The following WFDC8 variants were observed in gnomAD, a reference collection of about 807,000 sequenced individuals.
The protein encoded by WFDC8 is WAP four-disulfide core domain 8.
Under a neutral mutation model 27.0 loss-of-function variants are expected in WFDC8, and 24 were observed. The ratio of observed to expected loss-of-function variants is 0.89; its 90% CI spans 0.64 to 1.25. WFDC8 has a LOEUF of 1.25. Among genes scored for constraint, WFDC8 ranks in the 50% most tolerant of loss-of-function variants. The probability of loss-of-function intolerance (pLI) is 0.00; values close to 1 mark genes in which losing one functional copy is unlikely to be tolerated. For missense variants in WFDC8, 287 were observed against 295.9 expected, an observed-to-expected ratio of 0.97 and a Z score of 0.22; for synonymous variants, 106 against 99.7, an observed-to-expected ratio of 1.06 and a Z score of -0.38.
intron 1 of WFDC8, among the ~76,000 whole-genome samples, chr20:45,572,840 C>T (rs1980916582): frequency 6.6e-6 from 1 of 152,212 alleles, no homozygotes; most frequent in Non-Finnish European, 1.5e-5. Context: ...CTCCTGGCCT[C>T]AAGTGATCTT....
chr20:45,573,058 C>T (rs1320160137), intron 1 of WFDC8, among the ~76,000 whole-genome samples: 2 of 152,224 alleles, frequency 1.3e-5, no homozygotes, highest in African/African-American at 4.8e-5. Context: ...TTCTCTCACT[C>T]TATGAGTTGT....
At position 45,562,614 on chromosome 20, in the gene WFDC8, GAC is replaced by G. The variant is rs151106219; in HGVS notation, c.27-397_27-396del. ...AGCATCTTTTCTTTGCTCCACTGAT[GAC>G]AGAAATGGATGGTATGAGATTTCCC... On this transcript the variant is annotated intron_variant, in intron 1 of 5. Transcript: ENST00000289953. Among the ~76,000 whole-genome samples the G allele has an allele frequency of 1.6e-4, 24 of 152,316 alleles. No homozygotes were observed. In the East Asian group the frequency reaches 4.2e-3, roughly 27 times the overall value.
chr20:45,560,319 T>C (rs1980420846), intron 2 of WFDC8, among the ~76,000 whole-genome samples: 1 of 152,172 alleles, frequency 6.6e-6, no homozygotes, highest in Admixed American at 6.6e-5. Context: ...CCAGGGAGCT[T>C]GGGAGAGGAC....
In WFDC8 at chr20:45,553,241, C is replaced by T. The variant is rs1980108588; in HGVS notation, c.481G>A (p.Glu161Lys). The change falls in exon 5 of 6, where the codon GAA becomes AAA. Residue 161 changes from glutamate (E) to lysine (K), a missense_variant. By Grantham distance (56) the Glu-to-Lys change is moderately conservative. Coordinates refer to ENST00000289953, the MANE Select transcript of WFDC8 (RefSeq NM_130896.3). ...DGQCPLFPFTERKECPPSCHS... is the reference protein window; with the variant it reads ...DGQCPLFPFTKRKECPPSCHS... ...CATGAAGGTGGACACTCCTTACGTTCAGTGAAAGGGAAGAGTGGGCATTGT... is the reference window on the plus strand; with the variant it reads ...CATGAAGGTGGACACTCCTTACGTTTAGTGAAAGGGAAGAGTGGGCATTGT... 6.2e-7 allele frequency: 1 copy of T among 1,613,670 alleles called. No homozygotes were observed. Among genetic ancestry groups the T allele is most frequent in the African/African-American group, 1.3e-5 (1 of 74,918 alleles).
intron 3 of WFDC8, among the ~76,000 whole-genome samples, chr20:45,558,214 C>T (rs1464658005): frequency 6.6e-6 from 1 of 152,176 alleles, no homozygotes. Context: ...GACCCTCCCC[C>T]GAATTACCCA....
At chr20:45,559,171 A>G (rs1980378375) in intron 2 of WFDC8, among the ~76,000 whole-genome samples, 179 bp from the exon 3 acceptor site, 1 of 152,144 alleles carries the variant, frequency 6.6e-6, no homozygotes, top group East Asian at 1.9e-4. Context: ...ATTCAAATGG[A>G]TCTGAATCAG....
At position 45,558,847 on chromosome 20, in the gene WFDC8, G is replaced by A. The variant is rs370195113; in HGVS notation, c.277+5C>T. 52 of 1,613,920 alleles carry A rather than the reference G, an allele frequency of 3.2e-5. No homozygotes were observed. The highest frequency in any genetic ancestry group is 1.3e-4 in the African/African-American group (10 of 74,920). On this transcript the variant is annotated splice_donor_5th_base_variant and intron_variant, in intron 3 of 5. Coordinates refer to ENST00000289953, the MANE Select transcript of WFDC8 (RefSeq NM_130896.3). ...AACCTCTGTCCTCAGCCTGGACATC[G>A]CTACCTTGAAAGGGATCCATGCACT...
intron 1 of WFDC8, among the ~76,000 whole-genome samples, chr20:45,576,533 G>A (rs1981052447): frequency 6.6e-6 from 1 of 151,266 alleles, no homozygotes; most frequent in African/African-American, 2.4e-5. Flanking sequence ...CCAAGGAGCT[G>A]GGATTATAGG....
At chr20:45,566,997 GTTGTTATACTGTA>G (rs1267674424) in intron 1 of WFDC8, among the ~76,000 whole-genome samples, 19 of 152,060 alleles carry the variant, frequency 1.2e-4, no homozygotes, top group Non-Finnish European at 2.6e-4. Flanking sequence ...TATGCAAGTA[GTTGTTATACTGTA>G]TTGGTTTTTA....
At chr20:45,568,291 A>C (rs2145573701) in intron 1 of WFDC8, 1 of 233,884 alleles carries the variant, frequency 4.3e-6, no homozygotes, top group South Asian at 6.9e-5. Flanking sequence ...CCTGTCATAG[A>C]GGCCTTGGAG....
At chr20:45,558,160 G>A (rs775571096) in intron 3 of WFDC8, among the ~76,000 whole-genome samples, 6 of 152,010 alleles carry the variant, frequency 3.9e-5, no homozygotes, top group African/African-American at 7.3e-5. Flanking sequence ...AATTGCCCCC[G>A]CTTTCTGACA....
In WFDC8 at chr20:45,568,882, T is replaced by C. The variant is rs532613623; in HGVS notation, c.27-6663A>G. 8 of 272,970 alleles carry C rather than the reference T, an allele frequency of 2.9e-5. No individual in the cohort carries two copies. The South Asian group carries it at 3.2e-4, about 11-fold the overall frequency. 16.9% of individuals were successfully genotyped at this position (272,970 alleles called of 1,614,324 possible). A position where few individuals can be genotyped will look rare whatever the true frequency, so the allele number is the denominator to read the frequency against. On this transcript the variant is annotated intron_variant, in intron 1 of 5. Coordinates refer to ENST00000289953, the MANE Select transcript of WFDC8 (RefSeq NM_130896.3). ...ATGCAGTCATCATCCATTGTATATC[T>C]AGAATTTACAGCACTGAAGAGGACC...
intron 1 of WFDC8, among the ~76,000 whole-genome samples, chr20:45,565,053 AAG>A (rs1267547837): frequency 1.6e-5 from 2 of 123,512 alleles, no homozygotes; most frequent in Non-Finnish European, 3.7e-5. Context: ...GGAAGGAAGG[AAG>A]AAGAGAGAGG....
In WFDC8 at chr20:45,562,151, G is replaced by A. The variant is rs1326685556; in HGVS notation, c.95C>T (p.Ala32Val). The change falls in exon 2 of 6, where the codon GCT becomes GTT. Residue 32 changes from alanine to valine, a missense_variant. Ala to Val is a moderately conservative substitution (Grantham distance 64, BLOSUM62 0). Coordinates refer to ENST00000289953, the MANE Select transcript of WFDC8 (RefSeq NM_130896.3). ...NVAFLLLLSLALEWTSAMLTK... is the reference protein window; with the variant it reads ...NVAFLLLLSLVLEWTSAMLTK... ...CAGCATTGCAGAAGTCCACTCCAAA[G>A]CAAGGGAGAGAAGCAGCAGGAAAGC... The A allele has an allele frequency of 6.2e-7, 1 of 1,614,158 alleles. No homozygotes were observed. The highest frequency in any genetic ancestry group is 1.7e-5 in the Admixed American group (1 of 60,030).
chr20:45,571,199 C>G (rs1025594049), intron 1 of WFDC8, among the ~76,000 whole-genome samples: 3 of 151,860 alleles, frequency 2.0e-5, no homozygotes, highest in African/African-American at 7.3e-5. Flanking sequence ...TTTTTGTTTT[C>G]ATTAGATTTT....
In WFDC8 at chr20:45,558,519, A is replaced by C. The variant is rs1332900329; in HGVS notation, c.277+333T>G. ...ACCAGAAAACCTCCTTGAAGATCAA[A>C]GAGTCTGAAAAACAATGCCAGCATT... On this transcript the variant is annotated intron_variant, in intron 3 of 5. Coordinates refer to ENST00000289953, the MANE Select transcript of WFDC8 (RefSeq NM_130896.3). Among the ~76,000 whole-genome samples the C allele has an allele frequency of 3.3e-5, 5 of 152,368 alleles. No homozygotes were observed. The East Asian group carries it at 9.6e-4, about 29-fold the overall frequency.
chr20:45,568,374 A>T, intron 1 of WFDC8: 1 of 257,524 alleles, frequency 3.9e-6, no homozygotes, highest in Non-Finnish European at 8.0e-6. Context: ...GTATTCTTCT[A>T]GCACTCTCCT....
intron 3 of WFDC8, among the ~76,000 whole-genome samples, chr20:45,556,123 T>G (rs1980236985): frequency 6.6e-6 from 1 of 152,258 alleles, no homozygotes; most frequent in African/African-American, 2.4e-5. Flanking sequence ...ACTTTGGAGC[T>G]GATCTTTCTT....
chr20:45,561,921 G>T (rs1980485577), intron 2 of WFDC8, among the ~76,000 whole-genome samples, 189 bp downstream of exon 2: 1 of 152,036 alleles, frequency 6.6e-6, no homozygotes, highest in Admixed American at 6.6e-5. Flanking sequence ...GAAAAGTTAG[G>T]GAAATAATTT....
Sources: gnomAD v4.1 joint callset for allele counts (sites outside exome capture counted in the v4.1 genomes callset) on GRCh38, gnomAD v4.1.1 for gene constraint, MANE v1.5 for transcripts, NCBI Gene and HGNC (gene_info 2026-07-23, HGNC 2026-07-21) for gene names.